Variants in MYO1H observed in about 807,000 individuals in gnomAD.
The protein encoded by MYO1H is myosin IH, also known as unconventional myosin-Ih.
Under a neutral mutation model 149.3 loss-of-function variants are expected in MYO1H, and 118 were observed. The observed-to-expected ratio is 0.79, with a 90% CI of 0.68 to 0.92. The LOEUF (loss-of-function observed/expected upper bound fraction) is 0.92, where lower values mean the gene tolerates loss of function less well. MYO1H is among the 40% of genes least tolerant of loss of function. MYO1H has a pLI of 0.00. For synonymous variants in MYO1H, 447 were observed against 465.2 expected (o/e 0.96, Z 0.50); for missense variants, 1,212 against 1,280.7 (o/e 0.95, Z 0.82).
chr12:109,343,575 A>G (rs1177022210), upstream of MYO1H, among the ~76,000 whole-genome samples: 2 of 152,106 alleles, frequency 1.3e-5, no homozygotes, highest in Admixed American at 6.6e-5. Flanking sequence ...GCTATCCCCA[A>G]CCCCCAACCC....
chr12:109,326,722 G>A, the MYO1H span, among the ~76,000 whole-genome samples: 5 of 151,772 alleles, frequency 3.3e-5, no homozygotes, highest in Admixed American at 1.3e-4. Flanking sequence ...GTTTCGCCAC[G>A]TTGCCCAGGC....
chr12:109,364,171 TAAAAAAAAAAAAAA>T lies in MYO1H; in HGVS notation c.12+16213_12+16226del, dbSNP rs746308903. Among the ~76,000 whole-genome samples, 4 of 90,266 alleles carry T rather than the reference TAAAAAAAAAAAAAA, an allele frequency of 4.4e-5. No homozygotes were observed. In the East Asian group the frequency reaches 1.0e-3, roughly 23 times the overall value. 59.2% of individuals were successfully genotyped at this position (90,266 alleles called of 152,430 possible). On this transcript the variant is annotated intron_variant, in intron 1 of 31. Transcript: ENST00000310903. ...GGGCAACAGAGAGAGACCATGTCTT[TAAAAAAAAAAAAAA>T]AAAAAAAAAAAAAGAAGTGGGAACA...
intron 23 of MYO1H, 116 bp from the exon 24 acceptor site, chr12:109,439,514 TG>T: frequency 1.9e-6 from 2 of 1,045,636 alleles, no homozygotes; most frequent in Non-Finnish European, 2.8e-6. Context: ...CTGGCCTATG[TG>T]GTCATCTCCA....
At chr12:109,327,422 C>T in the MYO1H span, among the ~76,000 whole-genome samples, 3 of 151,606 alleles carry the variant, frequency 2.0e-5, no homozygotes, top group African/African-American at 7.3e-5. Context: ...CGTGAGCCAC[C>T]GTGCCTGGCC....
chr12:109,405,605 C>A (rs577120929), intron 7 of MYO1H, among the ~76,000 whole-genome samples: 1 of 152,130 alleles, frequency 6.6e-6, no homozygotes, highest in Non-Finnish European at 1.5e-5. Flanking sequence ...CCACCGCGCC[C>A]GGCCATAAAA....
chr12:109,423,415 G>C (rs1307146743), intron 16 of MYO1H, among the ~76,000 whole-genome samples: 1 of 152,196 alleles, frequency 6.6e-6, no homozygotes, highest in African/African-American at 2.4e-5. Context: ...ACCCGCCTTG[G>C]TCTCCCAATG....
intron 17 of MYO1H, 79 bp downstream of exon 17, chr12:109,424,907 C>A: frequency 2.9e-6 from 3 of 1,036,744 alleles, no homozygotes; most frequent in South Asian, 1.3e-5. Flanking sequence ...GCTTTTTAAG[C>A]CACCTTCCCC....
intron 1 of MYO1H, among the ~76,000 whole-genome samples, chr12:109,368,621 A>G (rs1455953865): frequency 1.3e-5 from 2 of 149,084 alleles, no homozygotes; most frequent in Non-Finnish European, 3.0e-5. Flanking sequence ...AGCCTGGGCA[A>G]CAAAGCAAGA....
intron 19 of MYO1H, among the ~76,000 whole-genome samples, chr12:109,430,980 G>A (rs1402766617): frequency 6.6e-6 from 1 of 151,596 alleles, no homozygotes; most frequent in African/African-American, 2.4e-5. Context: ...TTTAGAACGT[G>A]GGAGGTGGAG....
At chr12:109,354,201 C>T (rs755245414) in intron 1 of MYO1H, 3 of 152,104 alleles carry the variant, frequency 2.0e-5, no homozygotes, top group Non-Finnish European at 4.4e-5. Context: ...AAGAATTGTA[C>T]ACATTTATCT....
chr12:109,383,938 TCCTTGAATCC>T (rs1187614417), intron 1 of MYO1H, among the ~76,000 whole-genome samples: 3 of 152,224 alleles, frequency 2.0e-5, no homozygotes, highest in African/African-American at 7.2e-5. Flanking sequence ...TTTGAGTGTT[TCCTTGAATCC>T]CCTGCTTTTA....
chr12:109,440,698 CAG>C (rs757022593), intron 24 of MYO1H, 44 bp from the exon 25 acceptor site: 55 of 1,398,586 alleles, frequency 3.9e-5, no homozygotes, highest in Non-Finnish European at 4.5e-5. Flanking sequence ...CAGCCCCAGA[CAG>C]GGAGTGAGTG....
intron 1 of MYO1H, among the ~76,000 whole-genome samples, chr12:109,387,333 A>G (rs888826649): frequency 1.3e-5 from 2 of 152,180 alleles, no homozygotes; most frequent in Admixed American, 6.5e-5. Flanking sequence ...CTGAAAATCA[A>G]TTGAGACGCA....
intron 16 of MYO1H, among the ~76,000 whole-genome samples, 179 bp from the exon 17 acceptor site, chr12:109,424,569 T>A (rs1467269282): frequency 6.6e-6 from 1 of 152,246 alleles, no homozygotes; most frequent in Non-Finnish European, 1.5e-5. Context: ...GGATGTAGAA[T>A]GTGAACATGG....
the MYO1H span, among the ~76,000 whole-genome samples, chr12:109,337,280 C>G: frequency 6.6e-6 from 1 of 152,066 alleles, no homozygotes; most frequent in Admixed American, 6.5e-5. Context: ...TCTTATAATT[C>G]AAATATGAGG....
upstream of MYO1H, among the ~76,000 whole-genome samples, chr12:109,345,936 G>T (rs2048101370): frequency 6.6e-6 from 1 of 152,170 alleles, no homozygotes; most frequent in Admixed American, 6.5e-5. Flanking sequence ...GTTTCAAGGT[G>T]CTAGGGTGGG....
intron 1 of MYO1H, among the ~76,000 whole-genome samples, chr12:109,366,135 A>G (rs1432322734): frequency 6.6e-6 from 1 of 152,172 alleles, no homozygotes; most frequent in African/African-American, 2.4e-5. Flanking sequence ...CTGGTGACAA[A>G]AAGGTTGGGG....
upstream of MYO1H, among the ~76,000 whole-genome samples, chr12:109,344,703 G>A (rs148960917): frequency 2.2e-4 from 33 of 152,264 alleles, no homozygotes; most frequent in East Asian, 5.6e-3. Context: ...AAATGAAATT[G>A]GATGTTTTAC....
chr12:109,428,808 C>G (rs1871492496), intron 19 of MYO1H, among the ~76,000 whole-genome samples: 1 of 150,420 alleles, frequency 6.6e-6, no homozygotes, highest in East Asian at 2.0e-4. Context: ...CACCCCCCTC[C>G]AAACATATAC....
Sources: allele counts gnomAD v4.1 joint callset (sites outside exome capture counted in the v4.1 genomes callset), GRCh38; gene constraint gnomAD v4.1.1; transcripts MANE v1.5; gene names NCBI Gene and HGNC (gene_info 2026-07-23, HGNC 2026-07-21).